FAR2: variants seen among roughly 807,000 people sequenced by gnomAD.
The protein encoded by FAR2 is fatty acyl-CoA reductase 2.
A neutral mutation model predicts 56.0 loss-of-function variants in FAR2; 19 were observed. That is an observed-to-expected ratio of 0.34 (90% CI 0.24 to 0.50). The LOEUF (loss-of-function observed/expected upper bound fraction) is 0.50, where lower values mean the gene tolerates loss of function less well. Among genes scored for constraint, FAR2 ranks in the 20% least tolerant of loss-of-function variants. The pLI, the probability that FAR2 is intolerant of heterozygous loss-of-function variation, is 0.98. For synonymous variants in FAR2, 219 were observed against 218.8 expected, an observed-to-expected ratio of 1.00 and a Z score of -0.01; for missense variants, 508 against 642.2, an observed-to-expected ratio of 0.79 and a Z score of 2.26.
At chr12:29,236,045 T>A (rs1947936950) in intron 1 of FAR2, among the ~76,000 whole-genome samples, 1 of 152,122 alleles carries the variant, frequency 6.6e-6, no homozygotes, top group African/African-American at 2.4e-5. Context: ...AGAGAGTACT[T>A]TGAATGTTCT....
intron 1 of FAR2, among the ~76,000 whole-genome samples, chr12:29,210,001 G>C (rs1947524987): frequency 6.6e-6 from 1 of 152,052 alleles, no homozygotes; most frequent in South Asian, 2.1e-4. Context: ...GAGCCCAGGA[G>C]TTCAAGACCA....
At chr12:29,310,251 C>T (rs535968157) in intron 6 of FAR2, among the ~76,000 whole-genome samples, 1 of 152,232 alleles carries the variant, frequency 6.6e-6, no homozygotes, top group East Asian at 1.9e-4. Flanking sequence ...CTAAAATGTT[C>T]TAAATTGGTT....
intron 8 of FAR2, among the ~76,000 whole-genome samples, chr12:29,314,447 T>TA (rs398116282): frequency 6.7e-5 from 10 of 149,786 alleles, no homozygotes; most frequent in Middle Eastern, 3.4e-3. Context: ...TTTTTTTTTT[T>TA]ATCTGTCAAT....
chr12:29,184,226 C>G (rs979071876), intron 1 of FAR2, among the ~76,000 whole-genome samples: 1 of 152,068 alleles, frequency 6.6e-6, no homozygotes, highest in African/African-American at 2.4e-5. Flanking sequence ...CCACAGAAAT[C>G]AATTTGAATC....
At chr12:29,308,776 TAAGA>T (rs1472914458) in intron 5 of FAR2, among the ~76,000 whole-genome samples, 2 of 150,452 alleles carry the variant, frequency 1.3e-5, no homozygotes, top group African/African-American at 2.5e-5. Context: ...TAAAAAATGT[TAAGA>T]AATGGGCCAT....
At chr12:29,169,384 C>CTG (rs1241004808) in intron 1 of FAR2, among the ~76,000 whole-genome samples, 2 of 152,194 alleles carry the variant, frequency 1.3e-5, no homozygotes, top group Non-Finnish European at 2.9e-5. Flanking sequence ...GTAAGACCAC[C>CTG]TGTAGCTCGA....
chr12:29,312,826 G>T (rs1028030487), intron 8 of FAR2, among the ~76,000 whole-genome samples: 3 of 152,058 alleles, frequency 2.0e-5, no homozygotes, highest in African/African-American at 7.2e-5. Flanking sequence ...CATTCCAGTG[G>T]TAAGCCATGG....
chr12:29,234,889 T>G (rs1405266433), intron 1 of FAR2, among the ~76,000 whole-genome samples: 6 of 152,228 alleles, frequency 3.9e-5, no homozygotes, highest in Admixed American at 2.0e-4. Context: ...ATTTTATTTA[T>G]TATTTATTTC....
chr12:29,175,549 G>C (rs1018901627), intron 1 of FAR2, among the ~76,000 whole-genome samples: 1 of 152,182 alleles, frequency 6.6e-6, no homozygotes, highest in African/African-American at 2.4e-5. Context: ...TTGCTGGCTG[G>C]GGTGGCCAGC....
At chr12:29,233,847 C>T (rs946585992) in intron 1 of FAR2, among the ~76,000 whole-genome samples, 3 of 152,186 alleles carry the variant, frequency 2.0e-5, no homozygotes, top group Non-Finnish European at 2.9e-5. Flanking sequence ...TATAGAGCTT[C>T]CACAGCTTCA....
chr12:29,216,381 T>C (rs1947621867), intron 1 of FAR2, among the ~76,000 whole-genome samples: 1 of 152,214 alleles, frequency 6.6e-6, no homozygotes, highest in Non-Finnish European at 1.5e-5. Context: ...GTTGTTGTCC[T>C]TTAGGGCTTT....
rs557092848 is a variant in FAR2, at chr12:29,175,628, C to T, written c.-39+26221C>T. On this transcript the variant is annotated intron_variant, in intron 1 of 11. Transcript: ENST00000536681. ...CCATTTTACAGAGCGTTGATTGGTC[C>T]GTTTTACAGAGTGCTGTTTGGTCCA... Among the ~76,000 whole-genome samples, 16 of 152,300 alleles carry T rather than the reference C, an allele frequency of 1.1e-4. No homozygotes were observed. The South Asian group carries it at 2.9e-3, about 28-fold the overall frequency.
At chr12:29,234,139 C>G (rs547422361) in intron 1 of FAR2, among the ~76,000 whole-genome samples, 1 of 152,234 alleles carries the variant, frequency 6.6e-6, no homozygotes, top group East Asian at 1.9e-4. Context: ...ACTGGATGAA[C>G]TCATCTAGTC....
intron 9 of FAR2, 56 bp from the exon 10 acceptor site, chr12:29,321,739 T>A: frequency 6.3e-7 from 1 of 1,594,052 alleles, no homozygotes; most frequent in East Asian, 2.3e-5. Flanking sequence ...TACATCCCTG[T>A]AGAGTGACAG....
At position 29,221,020 on chromosome 12, in the gene FAR2, C is replaced by T. The variant is rs564135969; in HGVS notation, c.-38-49392C>T. ...CAGCGCTTGGGAGGGGCTACTGGCG[C>T]AGTGTGTTTACTGGAGTTGTGCGCA... On this transcript the variant is annotated intron_variant, in intron 1 of 11. Transcript: ENST00000536681. Among the ~76,000 whole-genome samples the T allele has an allele frequency of 3.3e-5, 5 of 152,144 alleles. No individual in the cohort carries two copies. In the South Asian group the frequency reaches 1.0e-3, roughly 32 times the overall value.
intron 1 of FAR2, among the ~76,000 whole-genome samples, chr12:29,191,495 A>G (rs1555179372): frequency 6.6e-6 from 1 of 152,240 alleles, no homozygotes; most frequent in Non-Finnish European, 1.5e-5. Context: ...GCTTTCAGTG[A>G]CAGAAGTTAA....
intron 1 of FAR2, among the ~76,000 whole-genome samples, chr12:29,160,477 C>A (rs1222418052): frequency 6.6e-6 from 1 of 152,078 alleles, no homozygotes; most frequent in African/African-American, 2.4e-5. Context: ...TATATGGCTG[C>A]GTATCAAAAG....
At chr12:29,315,626 T>C (rs2136799391) in intron 8 of FAR2, among the ~76,000 whole-genome samples, 1 of 152,300 alleles carries the variant, frequency 6.6e-6, no homozygotes, top group South Asian at 2.1e-4. Flanking sequence ...GTGGAAATTA[T>C]GATTCTGGGT....
intron 1 of FAR2, among the ~76,000 whole-genome samples, chr12:29,178,401 C>T (rs1392932924): frequency 2.0e-5 from 3 of 152,088 alleles, no homozygotes; most frequent in Non-Finnish European, 4.4e-5. Flanking sequence ...GGAGACTAGC[C>T]TGGGTAACAT....
Sources: allele counts gnomAD v4.1 joint callset (sites outside exome capture counted in the v4.1 genomes callset), GRCh38; gene constraint gnomAD v4.1.1; transcripts MANE v1.5; gene names NCBI Gene and HGNC (gene_info 2026-07-23, HGNC 2026-07-21).